IGSF5: variants seen among roughly 807,000 people sequenced by gnomAD.
IGSF5 encodes the protein immunoglobulin superfamily member 5.
In IGSF5, 41 loss-of-function variants were observed where a neutral mutation model predicts 39.4. The ratio of observed to expected loss-of-function variants is 1.04; its 90% confidence interval spans 0.81 to 1.35. The LOEUF is 1.35. IGSF5 is among the 40% of genes most tolerant of loss of function. The pLI, the probability that IGSF5 is intolerant of heterozygous loss-of-function variation, is 0.00. For synonymous variants in IGSF5, 183 were observed against 175.3 expected (o/e 1.04, Z -0.34); for missense variants, 487 against 494.6 (o/e 0.98, Z 0.15).
At chr21:39,788,755 A>G (rs1381585457) in intron 6 of IGSF5, among the ~76,000 whole-genome samples, 1 of 152,256 alleles carries the variant, frequency 6.6e-6, no homozygotes, top group East Asian at 1.9e-4. Context: ...AAGGACTTAC[A>G]ATAAGTAGCC....
intron 7 of IGSF5, 43 bp from the exon 8 acceptor site, chr21:39,793,491 G>A (rs16998521): frequency 0.087 from 132,759 of 1,519,070 alleles, 6,308 homozygotes; most frequent in South Asian, 0.16. Flanking sequence ...ACACAGCTTG[G>A]TTTTTGCCAC....
At chr21:39,761,770 G>A (rs1411958269) in intron 2 of IGSF5, among the ~76,000 whole-genome samples, 2 of 152,176 alleles carry the variant, frequency 1.3e-5, no homozygotes, top group Non-Finnish European at 2.9e-5. Flanking sequence ...CTGGCCTTAA[G>A]CAATCCTCCT....
At chr21:39,740,312 C>T (rs1004263396), upstream of IGSF5, among the ~76,000 whole-genome samples, 7 of 152,220 alleles carry the variant, frequency 4.6e-5, no homozygotes, top group East Asian at 1.9e-4. Flanking sequence ...CTGATGACCC[C>T]GGCAGTGTAA....
intron 2 of IGSF5, among the ~76,000 whole-genome samples, chr21:39,763,903 G>A (rs2080072968): frequency 6.6e-6 from 1 of 152,198 alleles, no homozygotes; most frequent in East Asian, 1.9e-4. Context: ...AAAAATCAAA[G>A]TTCAAAGAGA....
upstream of IGSF5, among the ~76,000 whole-genome samples, chr21:39,741,781 C>T (rs867943256): frequency 5.3e-5 from 8 of 152,122 alleles, no homozygotes; most frequent in Non-Finnish European, 1.2e-4. Context: ...TCCTTAAGAT[C>T]CAGGACTGTA....
chr21:39,728,333 T>C, the IGSF5 span, among the ~76,000 whole-genome samples: 19 of 152,116 alleles, frequency 1.2e-4, no homozygotes, highest in African/African-American at 4.3e-4. Flanking sequence ...GAAGATATGT[T>C]GGGAAAAGAC....
chr21:39,717,939 C>A, the IGSF5 span, among the ~76,000 whole-genome samples: 1 of 152,140 alleles, frequency 6.6e-6, no homozygotes, highest in Non-Finnish European at 1.5e-5. Flanking sequence ...GTGGTATAGC[C>A]ATTTTAATGA....
upstream of IGSF5, among the ~76,000 whole-genome samples, chr21:39,741,992 A>G (rs1388948400): frequency 6.6e-6 from 1 of 151,988 alleles, no homozygotes; most frequent in African/African-American, 2.4e-5. Context: ...TTAGGTCCTT[A>G]ACAATCTTTT....
At chr21:39,791,986 A>G in intron 6 of IGSF5, 22 bp from the exon 7 acceptor site, 1 of 1,512,378 alleles carries the variant, frequency 6.6e-7, no homozygotes, top group East Asian at 2.3e-5. Context: ...ATTAACATGA[A>G]CATAAAATGG....
the IGSF5 span, among the ~76,000 whole-genome samples, chr21:39,736,234 C>G: frequency 1.3e-5 from 2 of 152,140 alleles, no homozygotes; most frequent in Admixed American, 6.5e-5. Flanking sequence ...AGTACAAACC[C>G]CCTTTCCTCA....
In IGSF5 at chr21:39,750,725, C is replaced by G. The variant is rs1044097010; in HGVS notation, c.100+4427C>G. ...CCTAATGGCTGTCTCATCCAGAGGA[C>G]GCACCCTCGGGACTTTTTTCTTTCT... is the stretch of plus-strand genomic sequence containing the variant. On this transcript the variant is annotated intron_variant, in intron 2 of 8. Coordinates refer to ENST00000380588, the MANE Select transcript of IGSF5 (RefSeq NM_001080444.2). Among the ~76,000 whole-genome samples, 5 of 146,312 alleles carry G rather than the reference C, an allele frequency of 3.4e-5. 1 individual carries two copies. The highest frequency in any genetic ancestry group is 1.2e-4 in the African/African-American group (5 of 40,894).
intron 2 of IGSF5, among the ~76,000 whole-genome samples, chr21:39,757,945 C>A (rs2080040536): frequency 6.6e-6 from 1 of 152,090 alleles, no homozygotes. Context: ...CCAATGTGTC[C>A]ACGGGCACAC....
chr21:39,740,196 C>A (rs186634103), upstream of IGSF5, among the ~76,000 whole-genome samples: 1 of 152,218 alleles, frequency 6.6e-6, no homozygotes, highest in Non-Finnish European at 1.5e-5. Context: ...TTACCCCATA[C>A]TAGGGGTCCT....
At chr21:39,715,367 C>T in the IGSF5 span, among the ~76,000 whole-genome samples, 1 of 152,172 alleles carries the variant, frequency 6.6e-6, no homozygotes, top group African/African-American at 2.4e-5. Flanking sequence ...AATCCTCCTG[C>T]CTCAAGCTCC....
chr21:39,756,240 C>T (rs1289095325), intron 2 of IGSF5, among the ~76,000 whole-genome samples: 1 of 152,226 alleles, frequency 6.6e-6, no homozygotes, highest in Non-Finnish European at 1.5e-5. Flanking sequence ...GCTGTGAATA[C>T]CCAGTAATGC....
chr21:39,738,355 A>G, the IGSF5 span, among the ~76,000 whole-genome samples: 33,001 of 152,104 alleles, frequency 0.22, 4,194 homozygotes, highest in East Asian at 0.56. This position sits in a 1 kb window ranked among gnomAD's most constrained non-coding sequence, Gnocchi z 6.4. Context: ...AAACCGCCCA[A>G]CAGCCGCTTG....
intron 4 of IGSF5, among the ~76,000 whole-genome samples, chr21:39,771,428 A>G (rs139134050): frequency 1.5e-3 from 233 of 152,138 alleles, no homozygotes; most frequent in African/African-American, 5.4e-3. Flanking sequence ...TTTTTCTCCT[A>G]TTACATTTGA....
the IGSF5 span, among the ~76,000 whole-genome samples, chr21:39,724,195 T>C: frequency 8.5e-5 from 13 of 152,228 alleles, no homozygotes; most frequent in African/African-American, 3.1e-4. Flanking sequence ...TAGAATTAAG[T>C]GGAAATATTT....
intron 2 of IGSF5, among the ~76,000 whole-genome samples, chr21:39,760,127 G>A (rs1338651891): frequency 1.3e-5 from 2 of 152,142 alleles, no homozygotes; most frequent in Non-Finnish European, 2.9e-5. Flanking sequence ...TTATCAACCT[G>A]TGTGTGCACC....
Sources: gnomAD v4.1 joint callset for allele counts (sites outside exome capture counted in the v4.1 genomes callset) on GRCh38, gnomAD v4.1.1 for gene constraint, Gnocchi (gnomAD v3.1) non-coding constraint, MANE v1.5 for transcripts, NCBI Gene and HGNC (gene_info 2026-07-23, HGNC 2026-07-21) for gene names.